Variants in DLGAP2 observed in about 807,000 individuals in gnomAD.
DLGAP2 encodes DLG associated protein 2.
DLGAP2 carries 26 observed loss-of-function variants against 100.3 expected under a neutral mutation model. That is an observed-to-expected ratio of 0.26 (90% confidence interval 0.19 to 0.36). The LOEUF is 0.36. DLGAP2 is among the 10% of genes least tolerant of loss of function. The pLI is 1.00. For synonymous variants in DLGAP2, 886 were observed against 630.1 expected (o/e 1.41, Z -6.08); for missense variants, 1,858 against 1,453.2 (o/e 1.28, Z -4.53).
chr8:785,525 C>G (rs1295291646), intron 1 of DLGAP2, among the ~76,000 whole-genome samples: 1 of 144,120 alleles, frequency 6.9e-6, no homozygotes, highest in Non-Finnish European at 1.5e-5. Flanking sequence ...CTTTCTGAGA[C>G]CGGCTTCCCT....
intron 1 of DLGAP2, among the ~76,000 whole-genome samples, chr8:761,163 G>A (rs1821073249): frequency 6.6e-6 from 1 of 152,112 alleles, no homozygotes; most frequent in South Asian, 2.1e-4. Flanking sequence ...CTGGCTTGGG[G>A]GGCCAGGCCC....
At chr8:938,026 A>G (rs1002843581) in intron 2 of DLGAP2, among the ~76,000 whole-genome samples, 4 of 152,142 alleles carry the variant, frequency 2.6e-5, no homozygotes, top group Non-Finnish European at 5.9e-5. Context: ...GTCTCAGACA[A>G]CTATTCCTTC....
chr8:860,329 C>G (rs1287668735), intron 1 of DLGAP2, among the ~76,000 whole-genome samples: 3 of 152,234 alleles, frequency 2.0e-5, no homozygotes, highest in Admixed American at 2.0e-4. Context: ...GCTGCCAGCT[C>G]TGCTGACACC....
intron 13 of DLGAP2, among the ~76,000 whole-genome samples, chr8:1,692,794 A>C (rs1027277020): frequency 6.6e-6 from 1 of 151,978 alleles, no homozygotes; most frequent in Non-Finnish European, 1.5e-5. Flanking sequence ...AGTTGACGTT[A>C]AACTTGGTTA....
At position 1,435,082 on chromosome 8, in the gene DLGAP2, C is replaced by G. The variant is rs75770779; in HGVS notation, c.107-66284C>G. Reference sequence around the variant, plus strand: ...CCGCCGTCCTTATTGCTCCTGGAAGCTTAGGGACCCAGGGCCCTTCCAACC... The same window carrying G: ...CCGCCGTCCTTATTGCTCCTGGAAGGTTAGGGACCCAGGGCCCTTCCAACC... On this transcript the variant is annotated intron_variant, in intron 3 of 14. Coordinates refer to ENST00000637795, the MANE Select transcript of DLGAP2 (RefSeq NM_001346810.2). Among the ~76,000 whole-genome samples the G allele has an allele frequency of 5.6e-3, 859 of 152,312 alleles. 5 individuals carry two copies. Among genetic ancestry groups the G allele is most frequent in the African/African-American group, 0.017 (691 of 41,564 alleles).
At chr8:1,476,022 G>T (rs552673410) in intron 3 of DLGAP2, among the ~76,000 whole-genome samples, 4 of 152,124 alleles carry the variant, frequency 2.6e-5, no homozygotes, top group Non-Finnish European at 4.4e-5. Context: ...TTTGAATAAG[G>T]AAATATGAGG....
intron 2 of DLGAP2, among the ~76,000 whole-genome samples, chr8:1,253,976 G>C (rs936632039): frequency 6.6e-6 from 1 of 152,164 alleles, no homozygotes; most frequent in African/African-American, 2.4e-5. Flanking sequence ...GGTCAGTTTT[G>C]ACGCATATTT....
At chr8:791,093 A>G (rs996851590) in intron 1 of DLGAP2, among the ~76,000 whole-genome samples, 3 of 152,228 alleles carry the variant, frequency 2.0e-5, no homozygotes, top group Admixed American at 6.5e-5. Flanking sequence ...TGGATTTGTA[A>G]TTGTTTTTCT....
Position 1,569,772 on chromosome 8 carries a change from G to A in DLGAP2, c.1442+3878G>A, listed in dbSNP as rs560203160. 7.2e-5 allele frequency among the ~76,000 whole-genome samples: 11 copies of A among 152,334 alleles called. No individual in the cohort carries two copies. The East Asian group carries it at 9.7e-4, about 13-fold the overall frequency. ...TGAAGGTAGCTCAGCCCCAAGCCCCGTGGCCTTCAGCCCATGGCACTGCTC... is the reference window on the plus strand; with the variant it reads ...TGAAGGTAGCTCAGCCCCAAGCCCCATGGCCTTCAGCCCATGGCACTGCTC... On this transcript the variant is annotated intron_variant, in intron 6 of 14. Transcript: ENST00000637795.
intron 3 of DLGAP2, among the ~76,000 whole-genome samples, chr8:1,363,674 C>A (rs1264040394): frequency 6.6e-6 from 1 of 152,136 alleles, no homozygotes; most frequent in Non-Finnish European, 1.5e-5. Context: ...TGGGTGGGGA[C>A]AACAGTCAGG....
At chr8:1,032,877 G>A (rs958845249) in intron 2 of DLGAP2, 2 of 152,206 alleles carry the variant, frequency 1.3e-5, no homozygotes, top group Non-Finnish European at 2.9e-5. Context: ...TGTTCACGGT[G>A]TTGTATTTTA....
At chr8:853,854 C>A (rs953275035) in intron 1 of DLGAP2, among the ~76,000 whole-genome samples, 7 of 152,080 alleles carry the variant, frequency 4.6e-5, no homozygotes, top group African/African-American at 1.7e-4. Flanking sequence ...GGTTTGTCCC[C>A]CAGATTCATA....
chr8:1,526,575 C>T (rs762307844), intron 4 of DLGAP2, among the ~76,000 whole-genome samples: 6 of 152,178 alleles, frequency 3.9e-5, no homozygotes, highest in Non-Finnish European at 7.3e-5. Flanking sequence ...CGAGACTTCC[C>T]GAGGAGGACG....
rs373202975 is a variant in DLGAP2 at position 771,914 on chromosome 8, T to G, written c.18+34089T>G. Among the ~76,000 whole-genome samples the G allele has an allele frequency of 1.8e-4, 27 of 152,308 alleles. No individual in the cohort carries two copies. In the East Asian group the frequency reaches 2.3e-3, roughly 13 times the overall value. On this transcript the variant is annotated intron_variant, in intron 1 of 14. Transcript: ENST00000637795. The stretch of plus-strand genomic sequence containing the variant: ...TCATCTGCAATTTTATTTCATTTTA[T>G]TTTTTTAGAGACAGGTTCTCTCTCT...
chr8:809,347 C>T (rs1325152608), intron 1 of DLGAP2, among the ~76,000 whole-genome samples: 1 of 152,168 alleles, frequency 6.6e-6, no homozygotes, highest in African/African-American at 2.4e-5. Flanking sequence ...TGAAACTTTG[C>T]CCAGTAATCT....
At chr8:1,261,945 T>A (rs561903954) in intron 3 of DLGAP2, among the ~76,000 whole-genome samples, 1 of 152,284 alleles carries the variant, frequency 6.6e-6, no homozygotes, top group East Asian at 1.9e-4. Context: ...GATGTGGGTG[T>A]GCAGCGCTCA....
At chr8:1,356,861 C>T (rs369422402) in intron 3 of DLGAP2, among the ~76,000 whole-genome samples, 13 of 152,272 alleles carry the variant, frequency 8.5e-5, no homozygotes, top group East Asian at 3.9e-4. Flanking sequence ...CAGCCAAGCC[C>T]GCACAATGAG....
chr8:939,179 G>T (rs1799140178), intron 2 of DLGAP2, among the ~76,000 whole-genome samples: 1 of 134,560 alleles, frequency 7.4e-6, no homozygotes, highest in Non-Finnish European at 1.6e-5. Context: ...GGGAGTGGGA[G>T]GTGCAGACAC....
intron 12 of DLGAP2, among the ~76,000 whole-genome samples, chr8:1,683,954 G>GTATATATGTGTATATATATATGTGTGTA (rs1799040151): frequency 1.3e-5 from 1 of 74,754 alleles, no homozygotes; most frequent in African/African-American, 6.1e-5. Context: ...ATATATGTGT[G>GTATATATGTGTATATATATATGTGTGTA]TATATATATA....
Sources: allele counts gnomAD v4.1 joint callset (sites outside exome capture counted in the v4.1 genomes callset), GRCh38; gene constraint gnomAD v4.1.1; transcripts MANE v1.5; gene names NCBI Gene and HGNC (gene_info 2026-07-23, HGNC 2026-07-21).